Variants in FSTL4 observed in about 807,000 individuals in gnomAD.
FSTL4 encodes follistatin like 4.
A neutral mutation model predicts 78.2 loss-of-function variants in FSTL4; 28 were observed. The observed-to-expected ratio is 0.36, with a 90% confidence interval of 0.27 to 0.49. The LOEUF (loss-of-function observed/expected upper bound fraction) is 0.49, where lower values mean the gene tolerates loss of function less well. FSTL4 is among the 20% of genes least tolerant of loss of function. The probability of loss-of-function intolerance (pLI) is 0.98; values close to 1 mark genes in which losing one functional copy is unlikely to be tolerated. For missense variants in FSTL4, 922 were observed against 1,084.9 expected (o/e 0.85, Z 2.11); for synonymous variants, 422 against 440.5 (o/e 0.96, Z 0.53).
chr5:133,560,576 G>A (rs1759889635), intron 3 of FSTL4, among the ~76,000 whole-genome samples: 1 of 152,002 alleles, frequency 6.6e-6, no homozygotes, highest in Non-Finnish European at 1.5e-5. Context: ...ATGCTGGCCA[G>A]GTTGGTCTTG....
chr5:133,224,840 GT>G (rs1213415833), intron 10 of FSTL4, among the ~76,000 whole-genome samples: 5 of 152,192 alleles, frequency 3.3e-5, no homozygotes, highest in African/African-American at 7.2e-5. Context: ...AAGGGCAGAG[GT>G]TCAGGGCATA....
chr5:133,539,566 T>G (rs1010284969), intron 3 of FSTL4, among the ~76,000 whole-genome samples: 2 of 152,098 alleles, frequency 1.3e-5, no homozygotes, highest in African/African-American at 4.8e-5. Flanking sequence ...ACACATCAGG[T>G]GCTGATGCAT....
intron 6 of FSTL4, among the ~76,000 whole-genome samples, chr5:133,273,713 T>G (rs1291361364): frequency 6.6e-6 from 1 of 152,220 alleles, no homozygotes; most frequent in Non-Finnish European, 1.5e-5. Flanking sequence ...TGACCACGTA[T>G]CTGTGTTCAC....
At chr5:133,207,189 G>A (rs1360310526) in intron 14 of FSTL4, among the ~76,000 whole-genome samples, 1 of 152,080 alleles carries the variant, frequency 6.6e-6, no homozygotes, top group African/African-American at 2.4e-5. Flanking sequence ...CAATTTTCCT[G>A]TCATCTTGTC....
intron 6 of FSTL4, among the ~76,000 whole-genome samples, chr5:133,266,126 G>A (rs545700271): frequency 1.5e-3 from 221 of 152,292 alleles, no homozygotes; most frequent in Non-Finnish European, 2.5e-3. Context: ...ACTCCCAGGA[G>A]GCCCTCACTG....
chr5:133,631,388 TA>T, the FSTL4 span, among the ~76,000 whole-genome samples: 1 of 151,242 alleles, frequency 6.6e-6, no homozygotes, highest in Non-Finnish European at 1.5e-5. Context: ...GCCAACAAAC[TA>T]TGAAAAAAAG....
At chr5:133,718,937 G>A in the FSTL4 span, among the ~76,000 whole-genome samples, 1 of 152,044 alleles carries the variant, frequency 6.6e-6, no homozygotes, top group Non-Finnish European at 1.5e-5. Context: ...TATTCTACAA[G>A]CTATATTAGT....
intron 13 of FSTL4, chr5:133,210,701 G>C (rs904309753): frequency 6.6e-6 from 1 of 152,558 alleles, no homozygotes. Context: ...ATGTCGGTCA[G>C]GCTGGTCTCA....
the FSTL4 span, among the ~76,000 whole-genome samples, chr5:133,819,122 G>A: frequency 3.3e-5 from 5 of 150,384 alleles, no homozygotes; most frequent in African/African-American, 1.2e-4. Context: ...CCTGCCTTGC[G>A]TACACATGAA....
At chr5:133,409,538 C>T (rs1029723409) in intron 3 of FSTL4, among the ~76,000 whole-genome samples, 11 of 152,238 alleles carry the variant, frequency 7.2e-5, no homozygotes, top group African/African-American at 2.4e-5. Flanking sequence ...GCCTGAGGAC[C>T]CCCGCTCCTG....
intron 3 of FSTL4, among the ~76,000 whole-genome samples, chr5:133,409,703 A>C (rs540037771): frequency 2.8e-4 from 43 of 152,364 alleles, no homozygotes; most frequent in African/African-American, 1.0e-3. Context: ...GGCCTGGCAC[A>C]GATTGGGCTG....
intron 4 of FSTL4, among the ~76,000 whole-genome samples, chr5:133,328,574 G>T (rs1350836747): frequency 6.6e-6 from 1 of 152,258 alleles, no homozygotes; most frequent in Non-Finnish European, 1.5e-5. Flanking sequence ...TTTTACTATT[G>T]TGTTAGTGGA....
chr5:133,639,028 T>C, the FSTL4 span, among the ~76,000 whole-genome samples: 1 of 152,142 alleles, frequency 6.6e-6, no homozygotes, highest in Admixed American at 6.5e-5. Context: ...GTTTGTTACA[T>C]TGGTATACAT....
the FSTL4 span, among the ~76,000 whole-genome samples, chr5:133,660,209 C>T: frequency 6.6e-6 from 1 of 152,146 alleles, no homozygotes; most frequent in Non-Finnish European, 1.5e-5. Context: ...CTCTTTCAGG[C>T]CTGGAGACAA....
intron 4 of FSTL4, 44 bp from the exon 5 acceptor site, chr5:133,316,696 G>A (rs1375299939): frequency 1.3e-6 from 2 of 1,513,672 alleles, no homozygotes; most frequent in Admixed American, 3.6e-5. Flanking sequence ...TTATCCCGTG[G>A]TCTTGAGAGA....
chr5:133,305,700 A>C (rs946509143), intron 6 of FSTL4, among the ~76,000 whole-genome samples: 1 of 152,204 alleles, frequency 6.6e-6, no homozygotes, highest in Non-Finnish European at 1.5e-5. Flanking sequence ...TGCTTCCCCA[A>C]GAGTGAGCTC....
the FSTL4 span, among the ~76,000 whole-genome samples, chr5:133,762,938 C>T: frequency 3.3e-5 from 5 of 152,194 alleles, no homozygotes; most frequent in African/African-American, 1.2e-4. Context: ...TGGCAAGGCA[C>T]CCATGGTGTC....
the FSTL4 span, among the ~76,000 whole-genome samples, chr5:133,671,672 T>C: frequency 6.6e-6 from 1 of 152,354 alleles, no homozygotes; most frequent in South Asian, 2.1e-4. Flanking sequence ...TTGGCTGGAA[T>C]GGGACCTCAC....
At chr5:133,469,490 A>G (rs1209655299) in intron 3 of FSTL4, among the ~76,000 whole-genome samples, 1 of 152,186 alleles carries the variant, frequency 6.6e-6, no homozygotes, top group Non-Finnish European at 1.5e-5. Context: ...GCATGACTGG[A>G]GGAGATGCAG....
Sources: allele counts gnomAD v4.1 joint callset (sites outside exome capture counted in the v4.1 genomes callset), GRCh38; gene constraint gnomAD v4.1.1; transcripts MANE v1.5; gene names NCBI Gene and HGNC (gene_info 2026-07-23, HGNC 2026-07-21).